HACE1: variants seen among roughly 807,000 people sequenced by gnomAD.
The protein encoded by HACE1 is E3 ubiquitin-protein ligase HACE1.
HACE1 carries 73 observed loss-of-function variants against 118.4 expected under a neutral mutation model. The ratio of observed to expected loss-of-function variants is 0.62; its 90% CI spans 0.51 to 0.75. The LOEUF is 0.75. Among genes scored for constraint, HACE1 ranks in the 30% least tolerant of loss-of-function variants. HACE1 has a pLI of 0.00. For missense variants in HACE1, 749 were observed against 1,102.2 expected, an observed-to-expected ratio of 0.68 and a Z score of 4.54; for synonymous variants, 368 against 374.8, an observed-to-expected ratio of 0.98 and a Z score of 0.21.
At chr6:104,850,106 C>T (rs768350759) in intron 3 of HACE1, among the ~76,000 whole-genome samples, 46 of 152,148 alleles carry the variant, frequency 3.0e-4, no homozygotes, top group Non-Finnish European at 4.7e-4. Flanking sequence ...CACGCCATCA[C>T]GCCGAGCTGA....
intron 10 of HACE1, among the ~76,000 whole-genome samples, chr6:104,794,787 C>G (rs1008263466): frequency 3.3e-5 from 5 of 152,080 alleles, no homozygotes; most frequent in Non-Finnish European, 7.4e-5. Flanking sequence ...TGCCTGTAAT[C>G]CCAGCTACTT....
At chr6:104,783,883 GT>G (rs975796183) in intron 14 of HACE1, among the ~76,000 whole-genome samples, 2 of 152,186 alleles carry the variant, frequency 1.3e-5, no homozygotes, top group African/African-American at 4.8e-5. Context: ...AATGTGTTCT[GT>G]TGTTTTTGTA....
chr6:104,822,266 C>T (rs981809843), intron 6 of HACE1, among the ~76,000 whole-genome samples: 5 of 151,026 alleles, frequency 3.3e-5, no homozygotes, highest in African/African-American at 1.2e-4. Context: ...GCCTCTAGTC[C>T]CAGCTACTCA....
At chr6:104,819,110 G>A (rs1459133158) in intron 6 of HACE1, among the ~76,000 whole-genome samples, 3 of 152,220 alleles carry the variant, frequency 2.0e-5, no homozygotes, top group Non-Finnish European at 4.4e-5. Context: ...ATCCCTGTTT[G>A]CAGATGACAT....
At chr6:104,729,849 A>G (rs1484291868) in intron 23 of HACE1, 85 bp from the exon 24 acceptor site, 1 of 724,750 alleles carries the variant, frequency 1.4e-6, no homozygotes, top group East Asian at 2.6e-5. Context: ...CACTACTCAT[A>G]ATTAACATAA....
chr6:104,804,849 C>A (rs1012671728), intron 7 of HACE1, among the ~76,000 whole-genome samples: 2 of 152,098 alleles, frequency 1.3e-5, no homozygotes, highest in Non-Finnish European at 2.9e-5. Flanking sequence ...AAAGCCAAAA[C>A]AGACAAATGG....
At chr6:104,833,009 C>T in intron 6 of HACE1, 33 bp downstream of exon 6, 1 of 1,594,864 alleles carries the variant, frequency 6.3e-7, no homozygotes, top group Non-Finnish European at 8.6e-7. Context: ...AAAACAAACA[C>T]ATGCAGCTTA....
At chr6:104,812,001 C>T (rs537830771) in intron 6 of HACE1, among the ~76,000 whole-genome samples, 4 of 152,084 alleles carry the variant, frequency 2.6e-5, no homozygotes, top group African/African-American at 7.2e-5. Context: ...ATATACTTAG[C>T]CCCCTAAGCT....
At chr6:104,844,157 C>T (rs1775392905) in intron 4 of HACE1, among the ~76,000 whole-genome samples, 1 of 151,262 alleles carries the variant, frequency 6.6e-6, no homozygotes, top group Admixed American at 6.6e-5. Flanking sequence ...CTTGCCTCAG[C>T]CTCCCAAGCA....
intron 5 of HACE1, among the ~76,000 whole-genome samples, chr6:104,841,200 T>C (rs1456010850): frequency 6.6e-6 from 1 of 152,086 alleles, no homozygotes. Flanking sequence ...CAAGAGACTG[T>C]TTTCTACAAG....
chr6:104,846,970 C>G (rs1157426756), intron 4 of HACE1, among the ~76,000 whole-genome samples: 1 of 152,172 alleles, frequency 6.6e-6, no homozygotes, highest in Non-Finnish European at 1.5e-5. Context: ...TTTCTTCTTG[C>G]TGAATAGCTA....
chr6:104,756,047 A>G (rs1309734857), intron 19 of HACE1, among the ~76,000 whole-genome samples: 1 of 152,170 alleles, frequency 6.6e-6, no homozygotes, highest in Non-Finnish European at 1.5e-5. Flanking sequence ...TAGACTAATG[A>G]AGAAAAGTGA....
Position 104,859,704 on chromosome 6 carries a change from G to C in HACE1, c.-62C>G, listed in dbSNP as rs55928279. On this transcript the variant is annotated 5_prime_UTR_variant, in exon 1 of 24. Coordinates refer to ENST00000262903, the MANE Select transcript of HACE1 (RefSeq NM_020771.4). ...GCCCCACCGGCGGCCTCCGCGCCCA[G>C]AGCCCTACATCTCGCCTGGGCCCGT... 1.0e-3 allele frequency: 1,438 copies of C among 1,416,946 alleles called. No homozygotes were observed. Among genetic ancestry groups the C allele is most frequent in the Non-Finnish European group, 1.3e-3 (1,367 of 1,044,648 alleles). 87.8% of individuals were successfully genotyped at this position (1,416,946 alleles called of 1,614,324 possible).
At chr6:104,744,055 G>A (rs1777129391) in intron 22 of HACE1, 105 bp downstream of exon 22, 1 of 761,324 alleles carries the variant, frequency 1.3e-6, no homozygotes, top group Admixed American at 1.9e-5. Flanking sequence ...AGGGTGGTAA[G>A]TTACTGACAA....
intron 7 of HACE1, among the ~76,000 whole-genome samples, chr6:104,810,647 T>C (rs868574702): frequency 2.0e-5 from 3 of 152,038 alleles, no homozygotes; most frequent in South Asian, 4.1e-4. Flanking sequence ...CCTTAGGGAA[T>C]AGAGTTTATT....
chr6:104,765,674 C>A (rs1262281983), intron 19 of HACE1, among the ~76,000 whole-genome samples: 1 of 152,136 alleles, frequency 6.6e-6, no homozygotes, highest in Non-Finnish European at 1.5e-5. Flanking sequence ...GAGTTCCCTT[C>A]AATTTTCACT....
At chr6:104,740,398 C>A (rs1776513805) in intron 22 of HACE1, among the ~76,000 whole-genome samples, 1 of 151,644 alleles carries the variant, frequency 6.6e-6, no homozygotes, top group Non-Finnish European at 1.5e-5. Context: ...TTGAAAGGAT[C>A]AACAAAATTG....
At chr6:104,802,836 T>C (rs540858443) in intron 7 of HACE1, among the ~76,000 whole-genome samples, 51 of 152,110 alleles carry the variant, frequency 3.4e-4, no homozygotes, top group Non-Finnish European at 6.6e-4. Flanking sequence ...ATTCAAAAGC[T>C]AGCAGAAGGC....
chr6:104,825,828 T>C (rs909844966), intron 6 of HACE1, among the ~76,000 whole-genome samples: 1 of 152,216 alleles, frequency 6.6e-6, no homozygotes, highest in Admixed American at 6.5e-5. Flanking sequence ...GTGTATTTTG[T>C]CCAATTCTTT....
Sources: gnomAD v4.1 joint callset for allele counts (sites outside exome capture counted in the v4.1 genomes callset) on GRCh38, gnomAD v4.1.1 for gene constraint, MANE v1.5 for transcripts, NCBI Gene and HGNC (gene_info 2026-07-23, HGNC 2026-07-21) for gene names.